PRDM16: variants seen among roughly 807,000 people sequenced by gnomAD.
The protein encoded by PRDM16 is PR/SET domain 16.
Under a neutral mutation model 110.6 loss-of-function variants are expected in PRDM16, and 23 were observed. The observed-to-expected ratio is 0.21, with a 90% CI of 0.15 to 0.29. The LOEUF is 0.29. PRDM16 is among the 10% of genes least tolerant of loss of function. The pLI, the probability that PRDM16 is intolerant of heterozygous loss-of-function variation, is 1.00. For synonymous variants in PRDM16, 799 were observed against 781.8 expected, an observed-to-expected ratio of 1.02 and a Z score of -0.37; for missense variants, 1,615 against 1,794.3, an observed-to-expected ratio of 0.90 and a Z score of 1.81.
In PRDM16 at chr1:3,214,470, G is replaced by C. The variant is rs575573211; in HGVS notation, c.387+27996G>C. 9.2e-5 allele frequency among the ~76,000 whole-genome samples: 14 copies of C among 152,310 alleles called. No homozygotes were observed. In the South Asian group the frequency reaches 2.9e-3, roughly 32 times the overall value. On this transcript the variant is annotated intron_variant, in intron 2 of 16. Coordinates refer to ENST00000270722, the MANE Select transcript of PRDM16 (RefSeq NM_022114.4). ...CCAGCACTTTGGGAGGCCAAGACGG[G>C]CAGATCACCTGAGGTTGGGAGTTCA...
chr1:3,324,694 G>A (rs914146817), intron 3 of PRDM16, among the ~76,000 whole-genome samples: 2 of 151,782 alleles, frequency 1.3e-5, no homozygotes, highest in Non-Finnish European at 2.9e-5. Context: ...GACTCCATGG[G>A]GTCAGGATCT....
chr1:3,141,601 G>C (rs1643551041), intron 1 of PRDM16, among the ~76,000 whole-genome samples: 1 of 152,266 alleles, frequency 6.6e-6, no homozygotes, highest in Non-Finnish European at 1.5e-5. Flanking sequence ...CCACCTGCGA[G>C]GATGGGAGTC....
rs2100708926 is a variant in PRDM16, at chr1:3,434,134, GCTGGTGGCCACTGC to G, written c.*325_*338del. The G allele has an allele frequency of 2.9e-6, 1 of 345,282 alleles. No individual in the cohort carries two copies. Among genetic ancestry groups the G allele is most frequent in the Non-Finnish European group, 5.3e-6 (1 of 189,062 alleles). 21.4% of individuals were successfully genotyped at this position (345,282 alleles called of 1,614,324 possible). A position where few individuals can be genotyped will look rare whatever the true frequency, so the allele number is the denominator to read the frequency against. ...AGGTGGACGCTCTGCTGAGACAGAA[GCTGGTGGCCACTGC>G]CGGGTGCCCGCGTGGGGTCGCGGAA... On this transcript the variant is annotated 3_prime_UTR_variant, in exon 17 of 17. Transcript: ENST00000270722.
chr1:3,119,030 T>C (rs1001835607), intron 1 of PRDM16, among the ~76,000 whole-genome samples: 5 of 152,192 alleles, frequency 3.3e-5, no homozygotes, highest in African/African-American at 1.2e-4. Flanking sequence ...GGGTCCTCCC[T>C]GTAGAGCTGG....
chr1:3,386,110 T>C (rs945733681), intron 4 of PRDM16, among the ~76,000 whole-genome samples: 3 of 152,114 alleles, frequency 2.0e-5, no homozygotes, highest in Non-Finnish European at 4.4e-5. Context: ...CGGGCGGCAC[T>C]TTCCGCCTGC....
intron 1 of PRDM16, among the ~76,000 whole-genome samples, chr1:3,135,373 C>T (rs1045426324): frequency 6.6e-5 from 10 of 152,158 alleles, no homozygotes; most frequent in South Asian, 2.1e-4. Flanking sequence ...ACCACGGGCC[C>T]GACATTTTCT....
chr1:3,114,203 GCACA>G (rs59196246), intron 1 of PRDM16, among the ~76,000 whole-genome samples: 8 of 117,646 alleles, frequency 6.8e-5, no homozygotes, highest in Admixed American at 1.7e-4. Context: ...GCACACGCAC[GCACA>G]CACGCACACG....
At chr1:3,397,430 AC>A (rs756663043) in intron 5 of PRDM16, among the ~76,000 whole-genome samples, 6 of 152,362 alleles carry the variant, frequency 3.9e-5, no homozygotes, top group Middle Eastern at 3.4e-3. Context: ...CTTCCCAGAT[AC>A]AGGCTCATTC....
Position 3,208,815 on chromosome 1 carries a change from A to C in PRDM16, c.387+22341A>C, listed in dbSNP as rs972587102. Among the ~76,000 whole-genome samples, 10 of 152,158 alleles carry C rather than the reference A, an allele frequency of 6.6e-5. No homozygotes were observed. The highest frequency in any genetic ancestry group is 1.3e-4 in the Non-Finnish European group (9 of 68,034). ...CCCCTTTGTGGGGTTTGTCCTTTGG[A>C]ACCATCTCCACCCCCTGAAGCCATC... On this transcript the variant is annotated intron_variant, in intron 2 of 16. Transcript: ENST00000270722. This position sits in a 1 kb window ranked among gnomAD's most constrained non-coding sequence, Gnocchi z 6.1.
intron 3 of PRDM16, among the ~76,000 whole-genome samples, chr1:3,380,400 G>A (rs575897899): frequency 7.8e-4 from 119 of 152,186 alleles, no homozygotes; most frequent in South Asian, 1.5e-3. Flanking sequence ...ATTGGTCAGG[G>A]GTTGGGGACC....
intron 2 of PRDM16, among the ~76,000 whole-genome samples, chr1:3,212,705 G>A (rs1173855884): frequency 1.4e-5 from 1 of 72,086 alleles, no homozygotes. Flanking sequence ...CTCTGCCACT[G>A]TGGATGGGCT....
chr1:3,133,422 G>A (rs992659276), intron 1 of PRDM16, among the ~76,000 whole-genome samples: 1 of 152,348 alleles, frequency 6.6e-6, no homozygotes, highest in Middle Eastern at 3.4e-3. Context: ...TCGGCCTCCC[G>A]AAGCCACAGC....
chr1:3,198,883 A>G (rs528809262), intron 2 of PRDM16, among the ~76,000 whole-genome samples: 1 of 152,276 alleles, frequency 6.6e-6, no homozygotes, highest in Admixed American at 6.5e-5. Context: ...CTCCGTTCCC[A>G]TTTAGATCTC....
intron 3 of PRDM16, among the ~76,000 whole-genome samples, chr1:3,322,346 T>G (rs192280969): frequency 6.6e-6 from 1 of 152,280 alleles, no homozygotes; most frequent in East Asian, 1.9e-4. Context: ...TCGAGTTACA[T>G]CATTTTCTTC....
chr1:3,326,141 C>T (rs1641899785), intron 3 of PRDM16, among the ~76,000 whole-genome samples: 1 of 149,316 alleles, frequency 6.7e-6, no homozygotes, highest in South Asian at 2.1e-4. Flanking sequence ...CTCGACCATC[C>T]TTGGCCCTCG....
chr1:3,086,877 A>G (rs1557435912), intron 1 of PRDM16, among the ~76,000 whole-genome samples: 1 of 152,174 alleles, frequency 6.6e-6, no homozygotes, highest in Non-Finnish European at 1.5e-5. Flanking sequence ...AGTCTCCTGA[A>G]ATTTCCAGTA....
intron 2 of PRDM16, among the ~76,000 whole-genome samples, chr1:3,239,457 T>A (rs572352419): frequency 2.2e-4 from 33 of 152,134 alleles, no homozygotes; most frequent in African/African-American, 6.0e-4. Flanking sequence ...GGATGGGATG[T>A]GGAGGTTGTA....
At chr1:3,361,933 G>T (rs560943148) in intron 3 of PRDM16, among the ~76,000 whole-genome samples, 5 of 150,848 alleles carry the variant, frequency 3.3e-5, no homozygotes, top group Admixed American at 2.0e-4. Context: ...AGAAGTGACC[G>T]CGGCCCAGGA....
chr1:3,392,944 C>T (rs972933715), intron 4 of PRDM16, among the ~76,000 whole-genome samples: 5 of 152,200 alleles, frequency 3.3e-5, no homozygotes, highest in African/African-American at 1.2e-4. Context: ...AGTTTGAATT[C>T]GGAGGACCTG....
Sources: gnomAD v4.1 joint callset for allele counts (sites outside exome capture counted in the v4.1 genomes callset) on GRCh38, gnomAD v4.1.1 for gene constraint, Gnocchi (gnomAD v3.1) non-coding constraint, MANE v1.5 for transcripts, NCBI Gene and HGNC (gene_info 2026-07-23, HGNC 2026-07-21) for gene names.